PSG4: variants seen among roughly 807,000 people sequenced by gnomAD.
The protein encoded by PSG4 is pregnancy specific beta-1-glycoprotein 4.
PSG4 carries 61 observed loss-of-function variants against 44.3 expected under a neutral mutation model. The ratio of observed to expected loss-of-function variants is 1.38; its 90% CI spans 1.12 to 1.70. The LOEUF (loss-of-function observed/expected upper bound fraction) is 1.70, where lower values mean the gene tolerates loss of function less well. Among genes scored for constraint, PSG4 ranks in the 40% most tolerant of loss-of-function variants. The pLI is 0.00. For missense variants in PSG4, 677 were observed against 511.7 expected (o/e 1.32, Z -3.12); for synonymous variants, 248 against 191.3 (o/e 1.30, Z -2.45).
chr19:43,194,294 G>A (rs188371759), intron 5 of PSG4, 46 bp downstream of exon 5: 1 of 1,611,368 alleles, frequency 6.2e-7, no homozygotes, highest in Non-Finnish European at 8.5e-7. Flanking sequence ...ATGCCAGATA[G>A]ACTCCACCTA....
intron 2 of PSG4, among the ~76,000 whole-genome samples, chr19:43,200,255 T>A (rs556590674): frequency 6.9e-6 from 1 of 144,608 alleles, no homozygotes; most frequent in African/African-American, 2.7e-5. Context: ...AGGAAACAGT[T>A]GTATGTGGCA....
At position 43,199,886 on chromosome 19, in the gene PSG4, T is replaced by C. The variant is rs981452499; in HGVS notation, c.431-1611A>G. ...GGATCACATTATGCTCAAAGAAAGA[T>C]GCCAAAGGTGATTGGAAATTAGCAG... On this transcript the variant is annotated intron_variant, in intron 2 of 5. Coordinates refer to ENST00000405312, the MANE Select transcript of PSG4 (RefSeq NM_002780.5). 1.4e-4 allele frequency among the ~76,000 whole-genome samples: 20 copies of C among 145,366 alleles called. 2 individuals carry two copies. Among genetic ancestry groups the C allele is most frequent in the Middle Eastern group, 3.5e-3 (1 of 288 alleles).
intron 2 of PSG4, among the ~76,000 whole-genome samples, chr19:43,199,423 T>C (rs1204949536): frequency 2.7e-5 from 4 of 145,784 alleles, no homozygotes; most frequent in Non-Finnish European, 5.9e-5. Context: ...TTCATACAGA[T>C]AAAGTGCTCC....
At chr19:43,194,247 G>A in intron 5 of PSG4, 93 bp downstream of exon 5, 1 of 1,602,914 alleles carries the variant, frequency 6.2e-7, no homozygotes, top group South Asian at 1.1e-5. Context: ...ATGGGACACA[G>A]GCTGGGAATA....
At chr19:43,199,399 C>A (rs370702802) in intron 2 of PSG4, among the ~76,000 whole-genome samples, 3 of 145,490 alleles carry the variant, frequency 2.1e-5, no homozygotes, top group African/African-American at 7.9e-5. Context: ...TCCTGTACAG[C>A]TTCATGCCTA....
At chr19:43,202,671 A>C (rs558149131) in intron 2 of PSG4, among the ~76,000 whole-genome samples, 1 of 143,998 alleles carries the variant, frequency 6.9e-6, no homozygotes, top group South Asian at 2.2e-4. Context: ...ACAGGATTTC[A>C]AGTTCAGTGA....
intron 5 of PSG4, 188 bp downstream of exon 5, chr19:43,194,152 G>C (rs1405831014): frequency 6.7e-7 from 1 of 1,482,062 alleles, no homozygotes; most frequent in East Asian, 2.3e-5. Flanking sequence ...ATTTTAAGAA[G>C]ATATCAGCCT....
chr19:43,203,678 G>T, intron 2 of PSG4: 37 of 914,264 alleles, frequency 4.0e-5, no homozygotes, highest in Non-Finnish European at 5.8e-5. Context: ...CCTCTGCAGC[G>T]AGTGTCTGCA....
chr19:43,197,512 G>A (rs1967302164), intron 3 of PSG4, among the ~76,000 whole-genome samples: 1 of 142,418 alleles, frequency 7.0e-6, no homozygotes, highest in Non-Finnish European at 1.5e-5. Context: ...CAGTGGGTGA[G>A]AGTCTGTGAG....
chr19:43,195,370 C>T (rs1967197378), intron 3 of PSG4, 97 bp from the exon 4 acceptor site: 2 of 1,522,422 alleles, frequency 1.3e-6, no homozygotes, highest in African/African-American at 2.8e-5. Context: ...CCTCTCAGCC[C>T]ACCCGAGTCC....
At chr19:43,194,822 T>C (rs4141229) in intron 4 of PSG4, 173 bp downstream of exon 4, 941,017 of 1,445,012 alleles carry the variant, frequency 0.65, 314,358 homozygotes, top group East Asian at 0.95. Context: ...CCTTATATTC[T>C]TGGTTAAGGC....
rs1249227118 is a variant in PSG4, at chr19:43,201,512, G to A, written c.430+2374C>T. ...ATGTTTCTCATTCTTTTGCATTCTG[G>A]CAACCGGCTGACCTCATTCATACCT... On this transcript the variant is annotated intron_variant, in intron 2 of 5. Transcript: ENST00000405312. Among the ~76,000 whole-genome samples, 6 of 145,074 alleles carry A rather than the reference G, an allele frequency of 4.1e-5. 1 individual carries two copies. Among genetic ancestry groups the A allele is most frequent in the Non-Finnish European group, 7.5e-5 (5 of 67,092 alleles).
At chr19:43,205,360 G>T (rs1410103844) in intron 1 of PSG4, 113 bp downstream of exon 1, 16 of 1,272,504 alleles carry the variant, frequency 1.3e-5, no homozygotes, top group Non-Finnish European at 1.6e-5. Flanking sequence ...ACCCAACTCA[G>T]CCTCCCAAAG....
chr19:43,199,120 A>G (rs922063870), intron 2 of PSG4, among the ~76,000 whole-genome samples: 1 of 146,322 alleles, frequency 6.8e-6, no homozygotes, highest in Non-Finnish European at 1.5e-5. Context: ...GCGAACATGA[A>G]CAGATGATGG....
At chr19:43,202,064 A>G (rs934549712) in intron 2 of PSG4, among the ~76,000 whole-genome samples, 4 of 145,186 alleles carry the variant, frequency 2.8e-5, no homozygotes, top group African/African-American at 1.0e-4. Context: ...ATTTCCTGGG[A>G]GGTGGGCCAG....
Position 43,195,273 on chromosome 19 carries a change from G to A in PSG4, c.710C>T (p.Pro237Leu), listed in dbSNP as rs750914613. ...RSDPVTLNLL[P>L]KLSKPYITIN... ...TGTGATGTAGGGCTTGGACAGCTTT[G>A]CTGTGTGGATAACAGAGAGAAGATT... Residue 237 changes from proline to leucine, a missense_variant and splice_region_variant, in exon 4 of 6, where the codon CCA (proline) becomes CTA (leucine). Physicochemically the swap from Pro to Leu is moderately conservative, Grantham distance 98. Coordinates refer to ENST00000405312, the MANE Select transcript of PSG4 (RefSeq NM_002780.5). 2.0e-5 allele frequency: 33 copies of A among 1,610,072 alleles called. 1 individual carries two copies. The Admixed American group carries it at 3.3e-4, about 16-fold the overall frequency.
At chr19:43,201,991 G>A (rs1228600309) in intron 2 of PSG4, among the ~76,000 whole-genome samples, 1 of 144,676 alleles carries the variant, frequency 6.9e-6, no homozygotes, top group Non-Finnish European at 1.5e-5. Flanking sequence ...GTGACCTGGG[G>A]ACATTGGCTC....
chr19:43,204,401 ATG>A, intron 1 of PSG4, 150 bp from the exon 2 acceptor site: 10 of 1,091,520 alleles, frequency 9.2e-6, no homozygotes, highest in South Asian at 1.7e-5. Context: ...GCGTGAGTGT[ATG>A]TGTGTGTGTC....
intron 3 of PSG4, chr19:43,196,787 T>G (rs1967267624): frequency 6.6e-6 from 1 of 151,288 alleles, no homozygotes; most frequent in South Asian, 2.1e-4. Context: ...TGGTTGCCTC[T>G]TTTTCTCAGT....
Sources: gnomAD v4.1 joint callset for allele counts (sites outside exome capture counted in the v4.1 genomes callset) on GRCh38, gnomAD v4.1.1 for gene constraint, MANE v1.5 for transcripts, NCBI Gene and HGNC (gene_info 2026-07-23, HGNC 2026-07-21) for gene names.